Variants in RALYL observed in about 807,000 individuals in gnomAD.
RALYL encodes RALY RNA binding protein like, also known as RNA-binding Raly-like protein.
A neutral mutation model predicts 35.1 loss-of-function variants in RALYL; 29 were observed. The ratio of observed to expected loss-of-function variants is 0.83; its 90% confidence interval spans 0.61 to 1.13. The LOEUF (loss-of-function observed/expected upper bound fraction) is 1.13. Among genes scored for constraint, RALYL ranks in the 50% most tolerant of loss-of-function variants. The pLI, the probability that RALYL is intolerant of heterozygous loss-of-function variation, is 0.00. For missense variants in RALYL, 359 were observed against 360.4 expected (o/e 1.00, Z 0.03); for synonymous variants, 120 against 127.6 (o/e 0.94, Z 0.40).
chr8:84,734,121 G>C (rs1020589301), intron 2 of RALYL, among the ~76,000 whole-genome samples: 1 of 152,120 alleles, frequency 6.6e-6, no homozygotes, highest in Non-Finnish European at 1.5e-5. Flanking sequence ...ACCCTGCATA[G>C]TCTATTTGAA....
At chr8:84,869,468 A>G (rs1183628354) in intron 6 of RALYL, among the ~76,000 whole-genome samples, 1 of 152,182 alleles carries the variant, frequency 6.6e-6, no homozygotes, top group Non-Finnish European at 1.5e-5. Flanking sequence ...AGTTTTCTAA[A>G]TAGTTGATAG....
At chr8:84,285,085 G>A (rs759372397) in intron 1 of RALYL, among the ~76,000 whole-genome samples, 1 of 152,150 alleles carries the variant, frequency 6.6e-6, no homozygotes, top group Non-Finnish European at 1.5e-5. Context: ...GGAAGGCCAA[G>A]GCCTAATAAG....
At chr8:84,207,242 C>T (rs1006101781) in intron 1 of RALYL, among the ~76,000 whole-genome samples, 1 of 151,236 alleles carries the variant, frequency 6.6e-6, no homozygotes, top group Non-Finnish European at 1.5e-5. Flanking sequence ...TTTACAATAG[C>T]CAAAATATGG....
At chr8:84,697,114 A>T (rs1194675183) in intron 2 of RALYL, among the ~76,000 whole-genome samples, 1 of 152,012 alleles carries the variant, frequency 6.6e-6, no homozygotes, top group Non-Finnish European at 1.5e-5. Flanking sequence ...GCTGAAATGA[A>T]TTCTATTAAT....
chr8:84,265,722 T>C (rs1047436049), intron 1 of RALYL, among the ~76,000 whole-genome samples: 1 of 151,012 alleles, frequency 6.6e-6, no homozygotes, highest in African/African-American at 2.4e-5. Flanking sequence ...TAGCAGCATA[T>C]ACCCCATCAC....
At chr8:84,312,570 A>G (rs1843010548) in intron 1 of RALYL, among the ~76,000 whole-genome samples, 1 of 152,190 alleles carries the variant, frequency 6.6e-6, no homozygotes, top group Non-Finnish European at 1.5e-5. Context: ...TGGCCAAAAC[A>G]AGGCACAGGA....
chr8:84,893,194 CAT>C (rs1844176276), intron 8 of RALYL, among the ~76,000 whole-genome samples: 1 of 152,190 alleles, frequency 6.6e-6, no homozygotes, highest in Non-Finnish European at 1.5e-5. Flanking sequence ...AGAGAAACGA[CAT>C]GTGCTAAAAT....
intron 1 of RALYL, among the ~76,000 whole-genome samples, chr8:84,396,840 A>G (rs1360920215): frequency 1.3e-5 from 2 of 152,150 alleles, no homozygotes; most frequent in African/African-American, 4.8e-5. Context: ...TTTTATAATC[A>G]AGGGCCTAAC....
chr8:84,504,639 A>G (rs2057004344), intron 1 of RALYL, among the ~76,000 whole-genome samples: 1 of 152,164 alleles, frequency 6.6e-6, no homozygotes, highest in Non-Finnish European at 1.5e-5. Flanking sequence ...AAGATTTAAA[A>G]AGAATGAGTA....
At chr8:84,745,115 G>C (rs1199452098) in intron 2 of RALYL, among the ~76,000 whole-genome samples, 1 of 150,750 alleles carries the variant, frequency 6.6e-6, no homozygotes, top group Non-Finnish European at 1.5e-5. Flanking sequence ...GTATTACCTT[G>C]GTTCACCAGT....
At chr8:84,331,291 A>C (rs942696947) in intron 1 of RALYL, among the ~76,000 whole-genome samples, 1 of 152,068 alleles carries the variant, frequency 6.6e-6, no homozygotes, top group Non-Finnish European at 1.5e-5. Flanking sequence ...TGTCTTTACT[A>C]TCAAGGCAAT....
chr8:84,489,038 C>T (rs1375297729), intron 1 of RALYL, among the ~76,000 whole-genome samples: 3 of 151,950 alleles, frequency 2.0e-5, no homozygotes, highest in Admixed American at 1.3e-4. Context: ...CAGATATCCA[C>T]GTGTATTCAC....
At chr8:84,791,206 T>A (rs144477585) in intron 3 of RALYL, among the ~76,000 whole-genome samples, 6 of 152,108 alleles carry the variant, frequency 3.9e-5, no homozygotes, top group African/African-American at 1.2e-4. Context: ...GCTGAGAACA[T>A]GACATTTGAG....
chr8:84,499,230 G>A lies in RALYL; in HGVS notation c.-23-30069G>A, dbSNP rs554547853. On this transcript the variant is annotated intron_variant, in intron 1 of 8. Coordinates refer to ENST00000521268, the MANE Select transcript of RALYL (RefSeq NM_173848.7). ...TGTACCCAATAGGTAATTTTTCAAC[G>A]CTTACCTCCCTCGCGCCTTTATCAT... Among the ~76,000 whole-genome samples the A allele has an allele frequency of 7.4e-4, 112 of 151,954 alleles. 1 individual carries two copies. Among genetic ancestry groups the A allele is most frequent in the African/African-American group, 2.6e-3 (109 of 41,464 alleles).
chr8:84,830,742 A>G (rs1830737194), intron 4 of RALYL, among the ~76,000 whole-genome samples: 1 of 152,196 alleles, frequency 6.6e-6, no homozygotes, highest in Admixed American at 6.5e-5. Flanking sequence ...ACAGAGCAAT[A>G]TTTTGAGGGC....
intron 4 of RALYL, among the ~76,000 whole-genome samples, chr8:84,821,955 T>G (rs1357472788): frequency 6.6e-6 from 1 of 152,168 alleles, no homozygotes; most frequent in Non-Finnish European, 1.5e-5. Flanking sequence ...TAGATCACAT[T>G]CAAAATATAC....
rs1415238310 is a variant in RALYL, at chr8:84,921,826, C to T, written c.*915C>T. ...TCAACATATAATTTCTTAATAAATA[C>T]TGTTTCTTTTAAAACAAAGTTGGTG... On this transcript the variant is annotated 3_prime_UTR_variant, in exon 9 of 9. Transcript: ENST00000521268. 13 of 152,298 alleles carry T rather than the reference C, an allele frequency of 8.5e-5. No homozygotes were observed. Among genetic ancestry groups the T allele is most frequent in the Non-Finnish European group, 1.5e-5 (1 of 68,008 alleles). 9.4% of individuals were successfully genotyped at this position (152,298 alleles called of 1,614,324 possible). A position where few individuals can be genotyped will look rare whatever the true frequency, so the allele number is the denominator to read the frequency against.
At chr8:84,400,507 AC>A (rs2042780376) in intron 1 of RALYL, among the ~76,000 whole-genome samples, 1 of 152,220 alleles carries the variant, frequency 6.6e-6, no homozygotes, top group Admixed American at 6.5e-5. Flanking sequence ...GAAGGGGCCA[AC>A]AAAATGTATT....
chr8:84,739,611 T>C (rs1026943319), intron 2 of RALYL, among the ~76,000 whole-genome samples: 7 of 151,850 alleles, frequency 4.6e-5, no homozygotes, highest in African/African-American at 1.7e-4. Flanking sequence ...AATATATGTA[T>C]GTATTTCATA....
Sources: gnomAD v4.1 joint callset for allele counts (sites outside exome capture counted in the v4.1 genomes callset) on GRCh38, gnomAD v4.1.1 for gene constraint, MANE v1.5 for transcripts, NCBI Gene and HGNC (gene_info 2026-07-23, HGNC 2026-07-21) for gene names.